COX18: variants seen among roughly 807,000 people sequenced by gnomAD.
COX18 encodes the protein cytochrome c oxidase assembly factor COX18.
A neutral mutation model predicts 38.0 loss-of-function variants in COX18; 45 were observed. The observed-to-expected ratio is 1.18, with a 90% CI of 0.93 to 1.52. The LOEUF (loss-of-function observed/expected upper bound fraction) is 1.52, where lower values mean the gene tolerates loss of function less well. Among genes scored for constraint, COX18 ranks in the 40% most tolerant of loss-of-function variants. The pLI is 0.00. For synonymous variants in COX18, 177 were observed against 169.8 expected, an observed-to-expected ratio of 1.04 and a Z score of -0.33; for missense variants, 462 against 423.8, an observed-to-expected ratio of 1.09 and a Z score of -0.79.
intron 2 of COX18, 84 bp from the exon 3 acceptor site, chr4:73,065,497 C>G: frequency 6.7e-6 from 8 of 1,190,822 alleles, no homozygotes; most frequent in Non-Finnish European, 9.6e-6. Context: ...CAAATAGCGC[C>G]TGCTGTAGTT....
rs567795662 is a variant in COX18, at chr4:73,060,333, T to C, written c.831+1480A>G. 1.1e-4 allele frequency among the ~76,000 whole-genome samples: 16 copies of C among 152,340 alleles called. No homozygotes were observed. The East Asian group carries it at 2.9e-3, about 27-fold the overall frequency. On this transcript the variant is annotated intron_variant, in intron 5 of 5. Coordinates refer to ENST00000507544, the MANE Select transcript of COX18 (RefSeq NM_001297732.2). Reference sequence around the variant, plus strand: ...TTTATCTGAGGCGTTCTTCAGTATATAGCTGGTATGATTGCTCTGTGGAAA... The same window carrying C: ...TTTATCTGAGGCGTTCTTCAGTATACAGCTGGTATGATTGCTCTGTGGAAA...
At position 73,065,368 on chromosome 4, in the gene COX18, A is replaced by C; in HGVS notation, c.480T>G (p.Tyr160Ter). The C allele has an allele frequency of 6.2e-7, 1 of 1,613,916 alleles. No homozygotes were observed. Among genetic ancestry groups the C allele is most frequent in the South Asian group, 1.1e-5 (1 of 91,060 alleles). Residue 160 changes from tyrosine (Y) to a stop codon, truncating the protein, a stop_gained, in exon 3 of 6, where the codon TAT becomes TAG. Transcript: ENST00000507544. LOFTEE classifies it high-confidence loss of function. ...KNMRRLISEL[Y>*]VRDNCHPFKA... ...TGAAAGGGTGGCAGTTATCTCGCAC[A>C]TATAGCTCTGAAATTAGCCTCCTCA... is the stretch of plus-strand genomic sequence containing the variant.
At position 73,053,589 on chromosome 4, in the gene COX18, T is replaced by G. The variant is rs1453136974; in HGVS notation, c.*4525A>C. 1.3e-5 allele frequency: 2 copies of G among 152,168 alleles called. No individual in the cohort carries two copies. The highest frequency in any genetic ancestry group is 4.8e-5 in the African/African-American group (2 of 41,432). 9.4% of individuals were successfully genotyped at this position (152,168 alleles called of 1,614,324 possible). On this transcript the variant is annotated 3_prime_UTR_variant, in exon 6 of 6. Transcript: ENST00000507544. Reference sequence around the variant, plus strand: ...TTCCACTGTTCTTCAGGTCTCCAAGTCTGTTCTTTCGGTTTGGACGGGTAA... The same window carrying G: ...TTCCACTGTTCTTCAGGTCTCCAAGGCTGTTCTTTCGGTTTGGACGGGTAA...
intron 2 of COX18, among the ~76,000 whole-genome samples, chr4:73,067,755 C>T (rs1348017367): frequency 2.9e-5 from 4 of 139,192 alleles, no homozygotes; most frequent in Non-Finnish European, 6.1e-5. Flanking sequence ...GGAGGAGAAT[C>T]GCTTGAACCT....
At chr4:73,059,785 T>G (rs992637791) in intron 5 of COX18, among the ~76,000 whole-genome samples, 2 of 152,202 alleles carry the variant, frequency 1.3e-5, no homozygotes, top group African/African-American at 4.8e-5. Context: ...TTATCTGATT[T>G]ATCCACCAAA....
Position 73,065,281 on chromosome 4 carries a change from C to G in COX18, c.567G>C (p.Arg189=). 6.2e-7 allele frequency: 1 copy of G among 1,612,168 alleles called. No individual in the cohort carries two copies. The highest frequency in any genetic ancestry group is 8.5e-7 in the Non-Finnish European group (1 of 1,179,610). Residue 189 remains arginine (R), a synonymous_variant, in exon 3 of 6, where the codon CGG becomes CGC. Coordinates refer to ENST00000507544, the MANE Select transcript of COX18 (RefSeq NM_001297732.2). ...AATGTGCTGCCCCCGTGCTTAAATT[C>G]CGGAGAGCAAAAGACATGAAGATCC... is the stretch of plus-strand genomic sequence containing the variant. The part of the protein sequence containing the change: ...PMWIFMSFAL[R]NLSTGAAHSE...
At chr4:73,063,179 G>A (rs1421055234) in intron 4 of COX18, among the ~76,000 whole-genome samples, 10 of 152,074 alleles carry the variant, frequency 6.6e-5, no homozygotes, top group Non-Finnish European at 1.5e-5. Flanking sequence ...GTTGGCGGGC[G>A]CCTGTAATCC....
intron 4 of COX18, among the ~76,000 whole-genome samples, chr4:73,062,696 G>A (rs952115070): frequency 3.3e-5 from 5 of 152,012 alleles, no homozygotes; most frequent in Non-Finnish European, 5.9e-5. Context: ...TTAGCTGGGC[G>A]TGGTGGCATG....
At chr4:73,063,138 C>G (rs1374941902) in intron 4 of COX18, among the ~76,000 whole-genome samples, 2 of 152,000 alleles carry the variant, frequency 1.3e-5, no homozygotes, top group Non-Finnish European at 2.9e-5. Flanking sequence ...AACCCAGTCT[C>G]TACTAAAAAT....
In COX18 at chr4:73,054,416, G is replaced by C. The variant is rs1560466447; in HGVS notation, c.*3698C>G. On this transcript the variant is annotated 3_prime_UTR_variant, in exon 6 of 6. Coordinates refer to ENST00000507544, the MANE Select transcript of COX18 (RefSeq NM_001297732.2). Reference sequence around the variant, plus strand: ...AATCAAGAGTATTTACCATCCTGAAGTCAGGTAAGTTCAGGTAACTGATTC... The same window carrying C: ...AATCAAGAGTATTTACCATCCTGAACTCAGGTAAGTTCAGGTAACTGATTC... 1 of 152,188 alleles carries C rather than the reference G, an allele frequency of 6.6e-6. No individual in the cohort carries two copies. Among genetic ancestry groups the C allele is most frequent in the Non-Finnish European group, 1.5e-5 (1 of 68,028 alleles). The allele number at this position is 152,188 out of a possible 1,614,324, so 9.4% of individuals were successfully genotyped here. A position where few individuals can be genotyped will look rare whatever the true frequency, so the allele number is the denominator to read the frequency against.
Position 73,052,889 on chromosome 4 carries a change from G to A in COX18, c.*5225C>T, listed in dbSNP as rs2110038425. 6.6e-6 allele frequency: 1 copy of A among 150,844 alleles called. No homozygotes were observed. The highest frequency in any genetic ancestry group is 2.1e-4 in the South Asian group (1 of 4,778). The allele number at this position is 150,844 out of a possible 1,614,324, so 9.3% of individuals were successfully genotyped here. A position where few individuals can be genotyped will look rare whatever the true frequency, so the allele number is the denominator to read the frequency against. On this transcript the variant is annotated 3_prime_UTR_variant, in exon 6 of 6. Transcript: ENST00000507544. Reference sequence around the variant, plus strand: ...TTTTTCTAGGGTCTGCATTCCTACTGCTTCTGGGACTTAAATCTGACATAT... The same window carrying A: ...TTTTTCTAGGGTCTGCATTCCTACTACTTCTGGGACTTAAATCTGACATAT...
intron 4 of COX18, among the ~76,000 whole-genome samples, chr4:73,064,246 T>C (rs1455379533): frequency 1.6e-5 from 2 of 123,492 alleles, no homozygotes; most frequent in Non-Finnish European, 3.4e-5. Context: ...AGAGCAAAAC[T>C]CCATCTCAAA....
chr4:73,069,607 C>G lies in COX18; in HGVS notation c.43G>C (p.Ala15Pro), dbSNP rs772442927. The G allele has an allele frequency of 6.4e-7, 1 of 1,554,726 alleles. No homozygotes were observed. Residue 15 changes from alanine to proline, a missense_variant, in exon 1 of 6, where the codon GCC (alanine) becomes CCC (proline). Transcript: ENST00000507544. ...LGGRWLRPLP[A>P]LQLWARDLPL... ...AGGTCCCTAGCCCAAAGCTGCAGGG[C>G]AGGGAGCGGCCGCAGCCACCGACCG...
intron 2 of COX18, among the ~76,000 whole-genome samples, 187 bp downstream of exon 2, chr4:73,067,841 CA>C (rs1553907450): frequency 5.0e-4 from 1 of 1,996 alleles, no homozygotes; most frequent in African/African-American, 1.1e-3. Context: ...AACTCCGTCT[CA>C]AAAAAAAAAA....
At chr4:73,060,083 C>T (rs1005189249) in intron 5 of COX18, among the ~76,000 whole-genome samples, 1 of 152,118 alleles carries the variant, frequency 6.6e-6, no homozygotes, top group Admixed American at 6.5e-5. Flanking sequence ...CAGCCATGAC[C>T]GTAGTGTAGC....
At chr4:73,061,544 C>T (rs542096016) in intron 5 of COX18, among the ~76,000 whole-genome samples, 197 of 151,518 alleles carry the variant, frequency 1.3e-3, no homozygotes, top group Non-Finnish European at 2.3e-3. Context: ...CCGTCTCTAC[C>T]AAAAATACAA....
At chr4:73,065,172 C>G in intron 3 of COX18, 78 bp downstream of exon 3, 3 of 689,738 alleles carry the variant, frequency 4.3e-6, no homozygotes, top group South Asian at 2.6e-5. Context: ...GAAAAGTATG[C>G]TTTTTTTTTT....
chr4:73,069,211 A>G (rs1368477864), intron 1 of COX18, 106 bp downstream of exon 1: 3 of 793,368 alleles, frequency 3.8e-6, no homozygotes, highest in Admixed American at 3.0e-5. Context: ...AACACTAAGC[A>G]CTGCAGAAGG....
rs771458899 is a variant in COX18 at position 73,065,350 on chromosome 4, G to C, written c.498C>G (p.His166Gln). ...AAACCAACACAGTGGCTTTGAAAGG[G>C]TGGCAGTTATCTCGCACATATAGCT... is the stretch of plus-strand genomic sequence containing the variant. ...ISELYVRDNC[H>Q]PFKATVLVWI... Residue 166 changes from histidine (H) to glutamine (Q), a missense_variant, in exon 3 of 6, where the codon CAC becomes CAG. Transcript: ENST00000507544. The C allele has an allele frequency of 1.1e-5, 17 of 1,613,778 alleles. No individual in the cohort carries two copies. In the Admixed American group the frequency reaches 2.3e-4, roughly 22 times the overall value.
Sources: gnomAD v4.1 joint callset for allele counts (sites outside exome capture counted in the v4.1 genomes callset) on GRCh38, gnomAD v4.1.1 for gene constraint, MANE v1.5 for transcripts, NCBI Gene and HGNC (gene_info 2026-07-23, HGNC 2026-07-21) for gene names.